FAT3: variants seen among roughly 807,000 people sequenced by gnomAD.
FAT3 encodes the protein protocadherin Fat 3.
Under a neutral mutation model 310.2 loss-of-function variants are expected in FAT3, and 95 were observed. The ratio of observed to expected loss-of-function variants is 0.31; its 90% CI spans 0.26 to 0.36. The LOEUF (loss-of-function observed/expected upper bound fraction) is 0.36, where lower values mean the gene tolerates loss of function less well. Among genes scored for constraint, FAT3 ranks in the 10% least tolerant of loss-of-function variants. The probability of loss-of-function intolerance (pLI) is 1.00; values close to 1 mark genes in which losing one functional copy is unlikely to be tolerated. For synonymous variants in FAT3, 2,314 were observed against 2,192.9 expected (o/e 1.06, Z -1.54); for missense variants, 5,408 against 5,715.6 (o/e 0.95, Z 1.74).
chr11:92,299,683 T>A (rs1418767910), intron 1 of FAT3, among the ~76,000 whole-genome samples: 2 of 152,120 alleles, frequency 1.3e-5, no homozygotes, highest in Non-Finnish European at 2.9e-5. Context: ...CTTTTACAAC[T>A]ATGTCTCATA....
chr11:92,782,413 CAAA>C (rs1946776087), intron 7 of FAT3, among the ~76,000 whole-genome samples: 1 of 151,514 alleles, frequency 6.6e-6, no homozygotes, highest in Non-Finnish European at 1.5e-5. Context: ...CCAGTATTTA[CAAA>C]AAATAAAAAA....
chr11:92,829,944 T>C (rs980123845), intron 13 of FAT3, among the ~76,000 whole-genome samples: 1 of 152,070 alleles, frequency 6.6e-6, no homozygotes, highest in Non-Finnish European at 1.5e-5. Context: ...AAATTGTACA[T>C]TGGGAAAGTA....
intron 2 of FAT3, among the ~76,000 whole-genome samples, chr11:92,414,695 T>G (rs1484548916): frequency 6.6e-6 from 1 of 152,126 alleles, no homozygotes; most frequent in East Asian, 1.9e-4. Flanking sequence ...CACACTACCC[T>G]CTTGTCGCTG....
At chr11:92,766,415 ACCTGCCTCTCCCCCC>A (rs1186870281) in intron 6 of FAT3, among the ~76,000 whole-genome samples, 1 of 152,170 alleles carries the variant, frequency 6.6e-6, no homozygotes, top group East Asian at 1.9e-4. Context: ...ATGGGCAGGA[ACCTGCCTCTCCCCCC>A]CAGGAATGGC....
At chr11:92,808,885 C>T (rs1388534281) in intron 12 of FAT3, among the ~76,000 whole-genome samples, 1 of 152,036 alleles carries the variant, frequency 6.6e-6, no homozygotes, top group South Asian at 2.1e-4. Context: ...GAGATCATGC[C>T]ACTGCACTCC....
chr11:92,738,585 A>G (rs977684330), intron 4 of FAT3, among the ~76,000 whole-genome samples: 1 of 152,342 alleles, frequency 6.6e-6, no homozygotes, highest in Non-Finnish European at 1.5e-5. Flanking sequence ...CACATAATAC[A>G]TAGTACAGAT....
chr11:92,768,223 A>G (rs1946368554), intron 6 of FAT3, among the ~76,000 whole-genome samples: 1 of 152,168 alleles, frequency 6.6e-6, no homozygotes. Flanking sequence ...TCTGGTCTGG[A>G]TGCTTCCATC....
At chr11:92,343,459 T>G (rs1470821568) in intron 1 of FAT3, among the ~76,000 whole-genome samples, 1 of 152,192 alleles carries the variant, frequency 6.6e-6, no homozygotes, top group African/African-American at 2.4e-5. Flanking sequence ...AGGTGAAATA[T>G]GACCTTGGCT....
chr11:92,678,123 G>T (rs1156318717), intron 3 of FAT3, among the ~76,000 whole-genome samples: 1 of 152,130 alleles, frequency 6.6e-6, no homozygotes, highest in Non-Finnish European at 1.5e-5. Flanking sequence ...CAAATGTCTG[G>T]TTGCAAGAGG....
intron 10 of FAT3, among the ~76,000 whole-genome samples, chr11:92,804,850 T>C (rs1298631608): frequency 6.6e-6 from 1 of 152,204 alleles, no homozygotes; most frequent in African/African-American, 2.4e-5. Context: ...GAGAAGACGA[T>C]TGATTGTTCA....
In FAT3 at chr11:92,693,466, T is replaced by C. The variant is rs115401630; in HGVS notation, c.3608-3918T>C. Among the ~76,000 whole-genome samples the C allele has an allele frequency of 4.3e-3, 659 of 152,312 alleles. 6 individuals are homozygous for C. The highest frequency in any genetic ancestry group is 0.015 in the African/African-American group (628 of 41,556). The stretch of plus-strand genomic sequence containing the variant: ...GAGGTTGCTCTGTTTTGTCTTGTTC[T>C]CTATTCTCTGTATTTTTTCTTGTTC... On this transcript the variant is annotated intron_variant, in intron 3 of 27. Coordinates refer to ENST00000525166, the MANE Select transcript of FAT3 (RefSeq NM_001367949.2).
chr11:92,781,906 G>A (rs889629807), intron 7 of FAT3, among the ~76,000 whole-genome samples: 3 of 152,170 alleles, frequency 2.0e-5, no homozygotes, highest in Non-Finnish European at 1.5e-5. Flanking sequence ...AAAGACAGCA[G>A]AGACAGCCAT....
chr11:92,844,645 G>A lies in FAT3; in HGVS notation c.11278G>A (p.Asp3760Asn), dbSNP rs763689983. The stretch of plus-strand genomic sequence containing the variant: ...GCATTGTGAGCAAGGCTTGTCACTC[G>A]ATTCCCACGCGCTCATGACCTACAG... ...EQHCEQGLSL[D>N]SHALMTYSTA... The change falls in exon 19 of 28, where the codon GAT becomes AAT. Residue 3760 changes from aspartate (D) to asparagine (N), a missense_variant. Physicochemically the swap from Asp to Asn is conservative, Grantham distance 23 (BLOSUM62 1). Transcript: ENST00000525166. 13 of 1,610,730 alleles carry A rather than the reference G, an allele frequency of 8.1e-6. No individual in the cohort carries two copies. The highest frequency in any genetic ancestry group is 3.3e-5 in the South Asian group (3 of 90,144).
chr11:92,284,120 G>A (rs898479087), intron 1 of FAT3, among the ~76,000 whole-genome samples: 5 of 152,032 alleles, frequency 3.3e-5, no homozygotes, highest in African/African-American at 1.2e-4. Context: ...AGAAAAGAAA[G>A]CTAGGTGCAG....
Position 92,800,640 on chromosome 11 carries a change from C to T in FAT3, c.7627C>T (p.Arg2543Ter). 1 of 1,613,684 alleles carries T rather than the reference C, an allele frequency of 6.2e-7. No individual in the cohort carries two copies. The change falls in exon 10 of 28, where the codon CGA becomes TGA. Residue 2543 changes from arginine (R) to a stop codon, truncating the protein, a stop_gained. Transcript: ENST00000525166. LOFTEE classifies it high-confidence loss of function. ...CATCATCAATGACTTTGCCAAGGAT[C>T]GATTCCTCATAGACAGCAATGGGCA... ...YAIINDFAKDRFLIDSNGQVI... is the reference protein window; with the variant it reads ...YAIINDFAKD
In FAT3 at chr11:92,352,857, A is replaced by G; in HGVS notation, c.745A>G (p.Thr249Ala). 1 of 1,613,938 alleles carries G rather than the reference A, an allele frequency of 6.2e-7. No homozygotes were observed. The highest frequency in any genetic ancestry group is 1.1e-5 in the South Asian group (1 of 91,080). ...KLYGNNGVSS[T>A]AKLYVHIERI... ...GTATGGGAACAATGGAGTGAGCAGT[A>G]CTGCAAAGCTTTATGTTCACATTGA... is the stretch of plus-strand genomic sequence containing the variant. Residue 249 changes from threonine (T) to alanine (A), a missense_variant, in exon 2 of 28, where the codon ACT becomes GCT. Transcript: ENST00000525166.
intron 2 of FAT3, among the ~76,000 whole-genome samples, chr11:92,451,188 C>T (rs1003612837): frequency 1.1e-4 from 17 of 152,156 alleles, no homozygotes; most frequent in African/African-American, 4.1e-4. Context: ...CCTTCTTCAC[C>T]AAGAGTTACC....
chr11:92,392,171 C>T (rs59636223), intron 2 of FAT3, among the ~76,000 whole-genome samples: 2,610 of 152,170 alleles, frequency 0.017, 88 homozygotes, highest in African/African-American at 0.06. Context: ...CACGCACACA[C>T]GTTATATTCC....
At chr11:92,300,445 C>T (rs1475250995) in intron 1 of FAT3, among the ~76,000 whole-genome samples, 2 of 152,268 alleles carry the variant, frequency 1.3e-5, no homozygotes, top group African/African-American at 2.4e-5. Context: ...CAAGTAGGTG[C>T]TCACTGAAAC....
Sources: allele counts gnomAD v4.1 joint callset (sites outside exome capture counted in the v4.1 genomes callset), GRCh38; gene constraint gnomAD v4.1.1; transcripts MANE v1.5; gene names NCBI Gene and HGNC (gene_info 2026-07-23, HGNC 2026-07-21).